The following GALNT15 variants were observed in gnomAD, a reference collection of about 807,000 sequenced individuals.
GALNT15 encodes polypeptide N-acetylgalactosaminyltransferase 15.
Under a neutral mutation model 66.8 loss-of-function variants are expected in GALNT15, and 67 were observed. That is an observed-to-expected ratio of 1.00 (90% CI 0.82 to 1.23). The LOEUF (loss-of-function observed/expected upper bound fraction) is 1.23. GALNT15 is among the 50% of genes most tolerant of loss of function. GALNT15 has a pLI of 0.00. For missense variants in GALNT15, 827 were observed against 804.3 expected (o/e 1.03, Z -0.34); for synonymous variants, 313 against 311.5 (o/e 1.00, Z -0.05).
At chr3:16,226,337 G>A (rs968353843) in intron 9 of GALNT15, among the ~76,000 whole-genome samples, 1 of 152,102 alleles carries the variant, frequency 6.6e-6, no homozygotes, top group Non-Finnish European at 1.5e-5. Flanking sequence ...GTAGTATTAT[G>A]ATCTCTATAC....
Position 16,209,803 on chromosome 3 carries a change from CAG to C in GALNT15, c.1079+1136_1079+1137del, listed in dbSNP as rs962054454. Among the ~76,000 whole-genome samples the C allele has an allele frequency of 6.6e-6, 1 of 152,152 alleles. No homozygotes were observed. Among genetic ancestry groups the C allele is most frequent in the African/African-American group, 2.4e-5 (1 of 41,426 alleles). On this transcript the variant is annotated intron_variant, in intron 4 of 9. Transcript: ENST00000339732. This position sits in a 1 kb window ranked among gnomAD's most constrained non-coding sequence, Gnocchi z 4.1. ...CACTACTGCACTCTAGCCTGGGTGA[CAG>C]AGCAAGATTCTGTCTCAAAAACAAA...
chr3:16,242,729 T>C, the GALNT15 span, among the ~76,000 whole-genome samples: 1 of 152,032 alleles, frequency 6.6e-6, no homozygotes, highest in East Asian at 1.9e-4. The surrounding 1 kb of genome is among the most constrained non-coding windows in gnomAD (Gnocchi z 5.6). Context: ...CCGTGAGCCG[T>C]GATTGTGCCA....
Position 16,229,395 on chromosome 3 carries a change from C to A in GALNT15, c.*1895C>A. ...CCACATTTCAAATGCTCACTACCCA[C>A]CTGTGGCTAGGGTCTACTTCTACTG... On this transcript the variant is annotated 3_prime_UTR_variant, in exon 10 of 10. Transcript: ENST00000339732. The A allele has an allele frequency of 2.4e-6, 2 of 837,844 alleles. No individual in the cohort carries two copies. The highest frequency in any genetic ancestry group is 2.9e-6 in the Non-Finnish European group (2 of 695,496). 51.9% of individuals were successfully genotyped at this position (837,844 alleles called of 1,614,324 possible). A position where few individuals can be genotyped will look rare whatever the true frequency, so the allele number is the denominator to read the frequency against.
intron 3 of GALNT15, among the ~76,000 whole-genome samples, chr3:16,202,886 C>T (rs546833352): frequency 6.6e-6 from 1 of 152,248 alleles, no homozygotes; most frequent in Non-Finnish European, 1.5e-5. Context: ...AAAAAGACCC[C>T]TCAGGGTCAC....
chr3:16,208,138 T>TAA (rs2063777445), intron 3 of GALNT15, among the ~76,000 whole-genome samples: 1 of 152,184 alleles, frequency 6.6e-6, no homozygotes, highest in South Asian at 2.1e-4. Flanking sequence ...CTGTGCTATA[T>TAA]AATATAAATA....
Position 16,206,845 on chromosome 3 carries a change from CTT to C in GALNT15, c.912-1657_912-1656del, listed in dbSNP as rs544490357. Among the ~76,000 whole-genome samples, 267 of 152,222 alleles carry C rather than the reference CTT, an allele frequency of 1.8e-3. 1 individual carries two copies. Among genetic ancestry groups the C allele is most frequent in the African/African-American group, 6.0e-3 (251 of 41,532 alleles). ...AATTCAGCCACACAGTTCCCTGGCTCTTGATTCCAAAATTCCACAAAATGCTT... is the reference window on the plus strand; with the variant it reads ...AATTCAGCCACACAGTTCCCTGGCTCGATTCCAAAATTCCACAAAATGCTT... On this transcript the variant is annotated intron_variant, in intron 3 of 9. Transcript: ENST00000339732.
At position 16,181,856 on chromosome 3, in the gene GALNT15, C is replaced by T. The variant is rs1164612868; in HGVS notation, c.539+6166C>T. Reference sequence around the variant, plus strand: ...CTGTCCAAGTCGTGAAGGGATGCCACAAACACCAACCTTCCAGCCCTCGAG... The same window carrying T: ...CTGTCCAAGTCGTGAAGGGATGCCATAAACACCAACCTTCCAGCCCTCGAG... On this transcript the variant is annotated intron_variant, in intron 1 of 9. Transcript: ENST00000339732. This position sits in a 1 kb window ranked among gnomAD's most constrained non-coding sequence, Gnocchi z 5.9. Among the ~76,000 whole-genome samples, 1 of 152,162 alleles carries T rather than the reference C, an allele frequency of 6.6e-6. No individual in the cohort carries two copies. Among genetic ancestry groups the T allele is most frequent in the African/African-American group, 2.4e-5 (1 of 41,430 alleles).
At position 16,191,612 on chromosome 3, in the gene GALNT15, G is replaced by A. The variant is rs2063580146; in HGVS notation, c.540-4148G>A. ...GAATGTTCTGTGAAATCAAAGAAAG[G>A]AACTTGAGTGCCCTGGTCACCATTT... On this transcript the variant is annotated intron_variant, in intron 1 of 9. Transcript: ENST00000339732. This position sits in a 1 kb window ranked among gnomAD's most constrained non-coding sequence, Gnocchi z 5.2. 6.6e-6 allele frequency among the ~76,000 whole-genome samples: 1 copy of A among 152,210 alleles called. No individual in the cohort carries two copies. The highest frequency in any genetic ancestry group is 1.5e-5 in the Non-Finnish European group (1 of 68,040).
chr3:16,237,243 G>T, the GALNT15 span, among the ~76,000 whole-genome samples: 6 of 152,168 alleles, frequency 3.9e-5, no homozygotes, highest in Non-Finnish European at 8.8e-5. This position sits in a 1 kb window ranked among gnomAD's most constrained non-coding sequence, Gnocchi z 4.2. Context: ...TGAGGCCAGG[G>T]CTATACCAGG....
intron 3 of GALNT15, among the ~76,000 whole-genome samples, chr3:16,206,196 G>A (rs1207799176): frequency 6.6e-6 from 1 of 151,942 alleles, no homozygotes; most frequent in Non-Finnish European, 1.5e-5. Context: ...TCAACAACAT[G>A]GCGAAATCCC....
Position 16,175,375 on chromosome 3 carries a change from G to T in GALNT15, c.224G>T (p.Gly75Val). The change falls in exon 1 of 10, where the codon GGT becomes GTT. Residue 75 changes from glycine (G) to valine (V), a missense_variant. Transcript: ENST00000339732. This position sits in a 1 kb window ranked among gnomAD's most constrained non-coding sequence, Gnocchi z 5.6. ...TGGGTACTGGAAGCTGAGGATGAGG[G>T]TGAAGAGTACAGCCCTCTGGAGGGC... ...QDWVLEAEDE[G>V]EEYSPLEGLP... The T allele has an allele frequency of 6.2e-7, 1 of 1,614,216 alleles. No homozygotes were observed. Among genetic ancestry groups the T allele is most frequent in the Non-Finnish European group, 8.5e-7 (1 of 1,180,046 alleles).
Position 16,227,327 on chromosome 3 carries a change from C to G in GALNT15, c.1774-27C>G. On this transcript the variant is annotated intron_variant, in intron 9 of 9. Coordinates refer to ENST00000339732, the MANE Select transcript of GALNT15 (RefSeq NM_054110.5). The surrounding 1 kb of genome is among the most constrained non-coding windows in gnomAD (Gnocchi z 4.5). ...TGACTGATTGTGGGGGACTGGTTTT[C>G]TTTTCTTTTTTCCTTTCTCTTTTTA... is the stretch of plus-strand genomic sequence containing the variant. 2 of 1,597,314 alleles carry G rather than the reference C, an allele frequency of 1.3e-6. No individual in the cohort carries two copies. Among genetic ancestry groups the G allele is most frequent in the Non-Finnish European group, 1.7e-6 (2 of 1,174,606 alleles).
downstream of GALNT15, among the ~76,000 whole-genome samples, chr3:16,233,029 A>C (rs553353156): frequency 4.0e-4 from 60 of 150,822 alleles, no homozygotes; most frequent in Middle Eastern, 3.4e-3. Context: ...TTTTGCTTCT[A>C]ACGGATCTCT....
At chr3:16,230,580 A>C (rs555091908), downstream of GALNT15, among the ~76,000 whole-genome samples, 10 of 131,412 alleles carry the variant, frequency 7.6e-5, no homozygotes, top group Middle Eastern at 3.8e-3. This position sits in a 1 kb window ranked among gnomAD's most constrained non-coding sequence, Gnocchi z 4.5. Context: ...AAAAGCATTC[A>C]AAAAAAAAGA....
chr3:16,196,840 T>C (rs1356755974), intron 2 of GALNT15, among the ~76,000 whole-genome samples: 1 of 152,146 alleles, frequency 6.6e-6, no homozygotes, highest in Admixed American at 6.5e-5. Context: ...TCTGGGAAGA[T>C]CAGAACGCTC....
chr3:16,207,563 C>A (rs76508656), intron 3 of GALNT15, among the ~76,000 whole-genome samples: 112,430 of 112,470 alleles, frequency 1, 56,195 homozygotes, highest in Middle Eastern at 1. Context: ...AAATTCCCCA[C>A]CATTACCGGG....
At chr3:16,197,024 G>A (rs9839539) in intron 2 of GALNT15, among the ~76,000 whole-genome samples, 13,859 of 152,276 alleles carry the variant, frequency 0.091, 812 homozygotes, top group African/African-American at 0.17. Context: ...GTTCCTGGGT[G>A]CAGCTGGCTG....
Position 16,209,751 on chromosome 3 carries a change from G to A in GALNT15, c.1079+1081G>A, listed in dbSNP as rs1450324511. ...GCACAAGAATCACTGGAACCCAGGAGGCAGAGGTTGCAATGAGCTGAGACC... is the reference window on the plus strand; with the variant it reads ...GCACAAGAATCACTGGAACCCAGGAAGCAGAGGTTGCAATGAGCTGAGACC... On this transcript the variant is annotated intron_variant, in intron 4 of 9. Coordinates refer to ENST00000339732, the MANE Select transcript of GALNT15 (RefSeq NM_054110.5). This position sits in a 1 kb window ranked among gnomAD's most constrained non-coding sequence, Gnocchi z 4.1. Among the ~76,000 whole-genome samples, 1 of 152,184 alleles carries A rather than the reference G, an allele frequency of 6.6e-6. No homozygotes were observed. Among genetic ancestry groups the A allele is most frequent in the Non-Finnish European group, 1.5e-5 (1 of 68,028 alleles).
At chr3:16,215,924 AAG>A (rs2063869804) in intron 6 of GALNT15, among the ~76,000 whole-genome samples, 2 of 147,844 alleles carry the variant, frequency 1.4e-5, no homozygotes, top group African/African-American at 5.0e-5. Context: ...AAAAAAAAAA[AAG>A]AAGAGGAAGA....
Sources: gnomAD v4.1 joint callset for allele counts (sites outside exome capture counted in the v4.1 genomes callset) on GRCh38, gnomAD v4.1.1 for gene constraint, Gnocchi (gnomAD v3.1) non-coding constraint, MANE v1.5 for transcripts, NCBI Gene and HGNC (gene_info 2026-07-23, HGNC 2026-07-21) for gene names.